The following PTPRD variants were observed in gnomAD, a reference collection of about 807,000 sequenced individuals.
The protein encoded by PTPRD is receptor-type tyrosine-protein phosphatase delta.
Under a neutral mutation model 214.5 loss-of-function variants are expected in PTPRD, and 34 were observed. The observed-to-expected ratio is 0.16, with a 90% CI of 0.12 to 0.21. The LOEUF is 0.21. Among genes scored for constraint, PTPRD ranks in the 10% least tolerant of loss-of-function variants. The pLI, the probability that PTPRD is intolerant of heterozygous loss-of-function variation, is 1.00. For synonymous variants in PTPRD, 1,128 were observed against 845.7 expected (o/e 1.33, Z -5.79); for missense variants, 2,545 against 2,398.7 (o/e 1.06, Z -1.27).
chr9:9,187,567 G>C (rs2099932399), intron 9 of PTPRD, among the ~76,000 whole-genome samples: 1 of 151,830 alleles, frequency 6.6e-6, no homozygotes, highest in Non-Finnish European at 1.5e-5. Flanking sequence ...GGCATAGCTT[G>C]TCTTTCCTCC....
chr9:9,553,266 G>T (rs1182593308), intron 8 of PTPRD, among the ~76,000 whole-genome samples: 2 of 151,932 alleles, frequency 1.3e-5, no homozygotes, highest in Non-Finnish European at 2.9e-5. Context: ...TTTATACAAA[G>T]AAAACATTTA....
In PTPRD at chr9:9,440,948, C is replaced by T. The variant is rs566017132; in HGVS notation, c.-236-43466G>A. 1.4e-4 allele frequency among the ~76,000 whole-genome samples: 21 copies of T among 152,260 alleles called. No individual in the cohort carries two copies. In the South Asian group the frequency reaches 3.5e-3, roughly 26 times the overall value. ...GACGAAGGAAGTATGATGGGCAGAG[C>T]GTGAAGTCAAGCTGATCTTCAGGCC... On this transcript the variant is annotated intron_variant, in intron 8 of 45. Transcript: ENST00000381196.
chr9:9,532,646 G>A (rs1010621996), intron 8 of PTPRD, among the ~76,000 whole-genome samples: 12 of 152,136 alleles, frequency 7.9e-5, no homozygotes, highest in African/African-American at 2.7e-4. Context: ...TGACATGGGA[G>A]AGAATGGATT....
At chr9:9,953,084 C>T (rs528093732) in intron 4 of PTPRD, among the ~76,000 whole-genome samples, 16 of 152,146 alleles carry the variant, frequency 1.1e-4, no homozygotes, top group Non-Finnish European at 2.1e-4. Flanking sequence ...AAGGTGGTGA[C>T]CCACATCATA....
intron 3 of PTPRD, among the ~76,000 whole-genome samples, chr9:10,239,590 G>C (rs568482419): frequency 3.8e-4 from 54 of 141,462 alleles, no homozygotes; most frequent in Non-Finnish European, 7.1e-4. Context: ...AAGTCTAATA[G>C]GGTTGATAAC....
At chr9:10,255,116 G>A (rs2093142447) in intron 3 of PTPRD, among the ~76,000 whole-genome samples, 1 of 152,180 alleles carries the variant, frequency 6.6e-6, no homozygotes, top group African/African-American at 2.4e-5. Flanking sequence ...AGTACAGAGT[G>A]TTTTACATCT....
At chr9:9,013,983 C>T (rs1419542459) in intron 11 of PTPRD, among the ~76,000 whole-genome samples, 1 of 152,120 alleles carries the variant, frequency 6.6e-6, no homozygotes, top group African/African-American at 2.4e-5. Flanking sequence ...TGCTCCCTCA[C>T]TCTTGAACTC....
intron 9 of PTPRD, among the ~76,000 whole-genome samples, chr9:9,309,416 C>G (rs182251037): frequency 1.1e-3 from 160 of 152,220 alleles, no homozygotes; most frequent in East Asian, 6.4e-3. Flanking sequence ...GATGCCAAAA[C>G]TATTTCAGCT....
At chr9:9,627,724 A>G (rs538858132) in intron 7 of PTPRD, among the ~76,000 whole-genome samples, 21 of 152,306 alleles carry the variant, frequency 1.4e-4, no homozygotes, top group African/African-American at 5.1e-4. Flanking sequence ...AATGGTTTCA[A>G]TATGTGAAGC....
chr9:9,584,383 C>T (rs148646389), intron 7 of PTPRD, among the ~76,000 whole-genome samples: 116 of 92,814 alleles, frequency 1.2e-3, no homozygotes, highest in Admixed American at 1.5e-3. Flanking sequence ...TTATTATTTG[C>T]TATGCTACCA....
chr9:8,673,901 C>T (rs1208060077), intron 12 of PTPRD, among the ~76,000 whole-genome samples: 1 of 152,084 alleles, frequency 6.6e-6, no homozygotes, highest in East Asian at 1.9e-4. Context: ...ACCCCTGACA[C>T]CCACCCAGTA....
chr9:10,081,008 T>C lies in PTPRD; in HGVS notation c.-544-47218A>G, dbSNP rs2098227592. 4.6e-5 allele frequency among the ~76,000 whole-genome samples: 7 copies of C among 152,226 alleles called. 1 individual carries two copies. The South Asian group carries it at 1.5e-3, about 32-fold the overall frequency. ...ACTGTAGGTACATCATTTGAGTAAA[T>C]TATAATATTTCTTAATTTATAACAC... On this transcript the variant is annotated intron_variant, in intron 3 of 45. Coordinates refer to ENST00000381196, the MANE Select transcript of PTPRD (RefSeq NM_002839.4).
At chr9:8,723,258 G>A (rs938457757) in intron 12 of PTPRD, among the ~76,000 whole-genome samples, 1 of 151,934 alleles carries the variant, frequency 6.6e-6, no homozygotes, top group African/African-American at 2.4e-5. Flanking sequence ...TTTTTTCATA[G>A]CTGGACCCTT....
At chr9:10,195,555 G>T (rs1050944012) in intron 3 of PTPRD, among the ~76,000 whole-genome samples, 1 of 152,090 alleles carries the variant, frequency 6.6e-6, no homozygotes, top group African/African-American at 2.4e-5. Flanking sequence ...ACTTAAAAGG[G>T]AAATAGGCCA....
chr9:10,000,758 T>C (rs1298343885), intron 4 of PTPRD, among the ~76,000 whole-genome samples: 3 of 152,372 alleles, frequency 2.0e-5, no homozygotes, highest in Middle Eastern at 3.4e-3. Context: ...AAACTAGGTC[T>C]AACCAACATG....
chr9:10,306,534 A>C (rs2154411808), intron 3 of PTPRD, among the ~76,000 whole-genome samples: 1 of 152,266 alleles, frequency 6.6e-6, no homozygotes, highest in Admixed American at 6.5e-5. Flanking sequence ...AATATGCGAT[A>C]CAATATATAG....
At chr9:8,793,810 A>G (rs1483639803) in intron 11 of PTPRD, among the ~76,000 whole-genome samples, 4 of 152,204 alleles carry the variant, frequency 2.6e-5, no homozygotes, top group African/African-American at 4.8e-5. Context: ...AAAGTGTGCT[A>G]TAGATACACT....
intron 3 of PTPRD, among the ~76,000 whole-genome samples, chr9:10,139,111 C>T (rs1335449986): frequency 5.9e-5 from 9 of 151,992 alleles, no homozygotes; most frequent in Admixed American, 6.6e-5. Context: ...TATCTTTCTT[C>T]GCTAATGATA....
intron 7 of PTPRD, among the ~76,000 whole-genome samples, chr9:9,650,544 G>T (rs778164904): frequency 6.6e-6 from 1 of 152,074 alleles, no homozygotes; most frequent in Non-Finnish European, 1.5e-5. Context: ...TCTTTGGCAG[G>T]TTTTGGTATC....
Sources: allele counts gnomAD v4.1 joint callset (sites outside exome capture counted in the v4.1 genomes callset), GRCh38; gene constraint gnomAD v4.1.1; transcripts MANE v1.5; gene names NCBI Gene and HGNC (gene_info 2026-07-23, HGNC 2026-07-21).